The following CDKL5 variants were observed in gnomAD, a reference collection of about 807,000 sequenced individuals.
CDKL5 encodes cyclin dependent kinase like 5, also known as cyclin-dependent kinase-like 5.
A neutral mutation model predicts 61.7 loss-of-function variants in CDKL5; 8 were observed. The observed-to-expected ratio is 0.13, with a 90% CI of 0.08 to 0.23. The LOEUF (loss-of-function observed/expected upper bound fraction) is 0.23, where lower values mean the gene tolerates loss of function less well. Among genes scored for constraint, CDKL5 ranks in the 10% least tolerant of loss-of-function variants. The pLI is 1.00. For missense variants in CDKL5, 440 were observed against 734.5 expected (o/e 0.60, Z 4.63); for synonymous variants, 275 against 272.3 (o/e 1.01, Z -0.10).
At position 18,556,512 on chromosome X, in the gene CDKL5, C is replaced by T. The variant is rs969267584; in HGVS notation, c.100-7965C>T. 2.7e-5 allele frequency among the ~76,000 whole-genome samples: 3 copies of T among 111,334 alleles called. No individual in the cohort carries two copies. In the South Asian group the frequency reaches 1.1e-3, roughly 42 times the overall value. Reference sequence around the variant, plus strand: ...ATGGAACTTCATTAAAACTCAGTATCCTCATCTGTAAAATGAGCATGAGAT... The same window carrying T: ...ATGGAACTTCATTAAAACTCAGTATTCTCATCTGTAAAATGAGCATGAGAT... On this transcript the variant is annotated intron_variant, in intron 3 of 17. Transcript: ENST00000623535.
intron 11 of CDKL5, among the ~76,000 whole-genome samples, chrX:18,602,265 G>A (rs1375181733): frequency 8.9e-6 from 1 of 112,126 alleles, no homozygotes; most frequent in Non-Finnish European, 1.9e-5. Flanking sequence ...AACACACTTA[G>A]ATCTATTTGT....
Position 18,595,382 on chromosome X carries a change from G to T in CDKL5, c.779G>T (p.Arg260Ile). Reference protein sequence around the residue: ...PAVNHPQSLERRYLGILNSVL... With the variant: ...PAVNHPQSLEIRYLGILNSVL... ...GTTAACCATCCTCAGTCCTTGGAAAGAAGATACCTTGGAATTTTGAATAGT... is the reference window on the plus strand; with the variant it reads ...GTTAACCATCCTCAGTCCTTGGAAATAAGATACCTTGGAATTTTGAATAGT... The change falls in exon 10 of 18, where the codon AGA becomes ATA. Residue 260 changes from arginine (R) to isoleucine (I), a missense_variant. Arg to Ile is a moderately conservative substitution (Grantham distance 97). Around this residue, in one of 2 missense-constraint regions of CDKL5, gnomAD observed 77 missense variants for 218.2 expected, o/e 0.35. Transcript: ENST00000623535. The T allele has an allele frequency of 8.3e-7, 1 of 1,199,654 alleles. No individual in the cohort carries two copies. Among genetic ancestry groups the T allele is most frequent in the Non-Finnish European group, 1.1e-6 (1 of 884,666 alleles).
At chrX:18,581,007 A>G (rs983626862) in intron 6 of CDKL5, among the ~76,000 whole-genome samples, 1 of 111,694 alleles carries the variant, frequency 9.0e-6, no homozygotes, top group African/African-American at 3.3e-5. Flanking sequence ...TAATGATTCT[A>G]GTAACAGTCT....
At chrX:18,610,767 G>T (rs1926523684) in intron 14 of CDKL5, among the ~76,000 whole-genome samples, 1 of 112,339 alleles carries the variant, frequency 8.9e-6, no homozygotes, top group Admixed American at 9.4e-5. Context: ...CAACACCCTG[G>T]TGGAGAAAAT....
At chrX:18,444,494 G>T (rs2147628049) in intron 1 of CDKL5, among the ~76,000 whole-genome samples, 1 of 111,416 alleles carries the variant, frequency 9.0e-6, no homozygotes, top group Non-Finnish European at 1.9e-5. Flanking sequence ...ATATATACAT[G>T]TTTTAAAGAT....
exon 22 of CDKL5, chrX:18,653,508 G>A: frequency 1.7e-6 from 2 of 1,211,904 alleles, no homozygotes; most frequent in Non-Finnish European, 2.2e-6. Flanking sequence ...CTGCGCTCCT[G>A]ACATACCATG....
intron 1 of CDKL5, among the ~76,000 whole-genome samples, chrX:18,501,166 TTTTG>T (rs1234383457): frequency 4.5e-5 from 5 of 110,526 alleles, no homozygotes; most frequent in African/African-American, 1.3e-4. Context: ...TTCCCAGTTT[TTTTG>T]TTTGTTTGTT....
chrX:18,652,668 C>CA (rs112755044), intron 21 of CDKL5, among the ~76,000 whole-genome samples: 26,025 of 103,874 alleles, frequency 0.25, 2,930 homozygotes, highest in African/African-American at 0.4. Flanking sequence ...GACTACATTT[C>CA]AAAAAAAAAA....
At chrX:18,525,852 T>G (rs1200347353) in intron 3 of CDKL5, among the ~76,000 whole-genome samples, 1 of 108,451 alleles carries the variant, frequency 9.2e-6, no homozygotes, top group Non-Finnish European at 1.9e-5. Flanking sequence ...GCTCAAGCGC[T>G]TCTCCTGCCT....
chrX:18,503,728 C>T (rs964644408), intron 1 of CDKL5, among the ~76,000 whole-genome samples: 8 of 111,640 alleles, frequency 7.2e-5, no homozygotes, highest in African/African-American at 2.6e-4. Flanking sequence ...AGCTATAACC[C>T]ACAAGGATGT....
At position 18,427,294 on chromosome X, in the gene CDKL5, T is replaced by C. The variant is rs866188934; in HGVS notation, c.-163+1599T>C. Among the ~76,000 whole-genome samples, 4 of 93,533 alleles carry C rather than the reference T, an allele frequency of 4.3e-5. No homozygotes were observed. In the Middle Eastern group the frequency reaches 0.015, roughly 354 times the overall value. The allele number at this position is 93,533 out of a possible 115,157, so 81.2% of individuals were successfully genotyped here. On this transcript the variant is annotated intron_variant, in intron 1 of 17. Coordinates refer to ENST00000623535, the MANE Select transcript of CDKL5 (RefSeq NM_001323289.2). Reference sequence around the variant, plus strand: ...TTGACAAATGCAGAGAAGAGAACATTTGGGAAGGAAATCTTTTTTTCGGGG... The same window carrying C: ...TTGACAAATGCAGAGAAGAGAACATCTGGGAAGGAAATCTTTTTTTCGGGG...
At chrX:18,581,625 A>G (rs1304404755) in intron 6 of CDKL5, among the ~76,000 whole-genome samples, 1 of 111,886 alleles carries the variant, frequency 8.9e-6, no homozygotes, top group East Asian at 2.8e-4. Flanking sequence ...TATTCTTAAA[A>G]TTCTTTCAGA....
intron 3 of CDKL5, among the ~76,000 whole-genome samples, chrX:18,561,828 T>G (rs1274466092): frequency 9.0e-6 from 1 of 111,555 alleles, no homozygotes; most frequent in Non-Finnish European, 1.9e-5. Context: ...TGAATAAAGA[T>G]TTAAGGAAAG....
intron 21 of CDKL5, among the ~76,000 whole-genome samples, chrX:18,650,813 G>A (rs750822271): frequency 8.9e-6 from 1 of 112,473 alleles, no homozygotes. Context: ...CCCTCTCAGC[G>A]TGTGCGCAGG....
Position 18,650,684 on chromosome X carries a change from C to T in CDKL5, c.2980+92C>T, listed in dbSNP as rs1242835783. The T allele has an allele frequency of 5.0e-6, 5 of 994,646 alleles. No individual in the cohort carries two copies. The East Asian group carries it at 1.5e-4, about 31-fold the overall frequency. 82.0% of individuals were successfully genotyped at this position (994,646 alleles called of 1,213,427 possible). A position where few individuals can be genotyped will look rare whatever the true frequency, so the allele number is the denominator to read the frequency against. ...TAGAAATGCAGATGTTCAGGCCACACCCCCAGGGATTCTGACATCATTGGC... is the reference window on the plus strand; with the variant it reads ...TAGAAATGCAGATGTTCAGGCCACATCCCCAGGGATTCTGACATCATTGGC... On this transcript the variant is annotated intron_variant, in intron 21 of 21. Transcript: ENST00000379989.
Position 18,622,747 on chromosome X carries a change from A to G in CDKL5, c.2377-2381A>G, listed in dbSNP as rs187837775. 1.2e-3 allele frequency among the ~76,000 whole-genome samples: 130 copies of G among 111,263 alleles called. 2 individuals carry two copies. The East Asian group carries it at 0.032, about 27-fold the overall frequency. On this transcript the variant is annotated intron_variant, in intron 16 of 17. Coordinates refer to ENST00000623535, the MANE Select transcript of CDKL5 (RefSeq NM_001323289.2). ...TGCTTCAAAGCCCAAAAATCACATA[A>G]TCAACTGGGAGAACCAGAACTGCGT...
In CDKL5 at chrX:18,630,737, G is replaced by GA; in HGVS notation, c.*1986dup. On this transcript the variant is annotated 3_prime_UTR_variant, in exon 18 of 18. Coordinates refer to ENST00000623535, the MANE Select transcript of CDKL5 (RefSeq NM_001323289.2). ...TGAAACTCGACTGGGTACTATTACT[G>GA]AAAAAATTTGACTCAAACCAATAGT... The GA allele has an allele frequency of 2.7e-6, 2 of 749,720 alleles. No individual in the cohort carries two copies. The highest frequency in any genetic ancestry group is 6.8e-5 in the South Asian group (1 of 14,637). 61.8% of individuals were successfully genotyped at this position (749,720 alleles called of 1,213,427 possible). A position where few individuals can be genotyped will look rare whatever the true frequency, so the allele number is the denominator to read the frequency against.
At chrX:18,568,327 GACT>G (rs757667868) in intron 4 of CDKL5, among the ~76,000 whole-genome samples, 3 of 112,040 alleles carry the variant, frequency 2.7e-5, no homozygotes, top group Non-Finnish European at 1.9e-5. Context: ...TATTTTGTTA[GACT>G]ACTATTTAGT....
chrX:18,459,963 C>T (rs1345298399), intron 1 of CDKL5, among the ~76,000 whole-genome samples: 1 of 109,582 alleles, frequency 9.1e-6, no homozygotes, highest in Non-Finnish European at 1.9e-5. Flanking sequence ...ACCTCTGCCT[C>T]CTGGGTTCAA....
Sources: gnomAD v4.1 joint callset for allele counts (sites outside exome capture counted in the v4.1 genomes callset) on GRCh38, gnomAD v4.1.1 for gene constraint, gnomAD v4.1.1 regional missense constraint, MANE v1.5 for transcripts, NCBI Gene and HGNC (gene_info 2026-07-23, HGNC 2026-07-21) for gene names.